Variants in LARS2 observed in about 807,000 individuals in gnomAD.
LARS2 encodes leucyl-tRNA synthetase 2, mitochondrial.
LARS2 carries 81 observed loss-of-function variants against 116.6 expected under a neutral mutation model. The observed-to-expected ratio is 0.69, with a 90% confidence interval of 0.58 to 0.84. The LOEUF (loss-of-function observed/expected upper bound fraction) is 0.84. Ranked by LOEUF, LARS2 falls within the 40% of genes least tolerant of loss-of-function variation. LARS2 has a pLI of 0.00. For synonymous variants in LARS2, 396 were observed against 407.2 expected, an observed-to-expected ratio of 0.97 and a Z score of 0.33; for missense variants, 968 against 1,114.5, an observed-to-expected ratio of 0.87 and a Z score of 1.87.
chr3:45,420,156 T>C (rs1197578062), intron 6 of LARS2, among the ~76,000 whole-genome samples: 1 of 152,256 alleles, frequency 6.6e-6, no homozygotes, highest in Admixed American at 6.5e-5. Flanking sequence ...CCCATAATTA[T>C]TCTGTCACAT....
At chr3:45,400,050 C>T (rs1168937092) in intron 3 of LARS2, among the ~76,000 whole-genome samples, 195 bp from the exon 4 acceptor site, 1 of 151,846 alleles carries the variant, frequency 6.6e-6, no homozygotes, top group Non-Finnish European at 1.5e-5. Flanking sequence ...TTATTTTGGA[C>T]ATTCTTTAGC....
At chr3:45,402,511 T>C (rs1310142509) in intron 4 of LARS2, among the ~76,000 whole-genome samples, 1 of 152,234 alleles carries the variant, frequency 6.6e-6, no homozygotes, top group African/African-American at 2.4e-5. Context: ...TCAGGGCCTA[T>C]ACAAATGATA....
chr3:45,454,286 C>T (rs1388831996), intron 7 of LARS2, among the ~76,000 whole-genome samples: 1 of 152,234 alleles, frequency 6.6e-6, no homozygotes, highest in African/African-American at 2.4e-5. Flanking sequence ...TCCCACTGAT[C>T]ACTGTGCAGA....
chr3:45,537,737 G>A (rs1351809726), intron 20 of LARS2, among the ~76,000 whole-genome samples: 1 of 152,318 alleles, frequency 6.6e-6, no homozygotes, highest in East Asian at 1.9e-4. Context: ...GAGGAGATGA[G>A]GTGGAGGCAG....
At chr3:45,420,565 A>C (rs1375863365) in intron 6 of LARS2, among the ~76,000 whole-genome samples, 1 of 152,222 alleles carries the variant, frequency 6.6e-6, no homozygotes, top group Non-Finnish European at 1.5e-5. Flanking sequence ...TTCTTAAATG[A>C]TTGAAATTTG....
rs551261882 is a variant in LARS2, at chr3:45,460,694, G to A, written c.750+1808G>A. ...TCCATGAAGCCTAACAGAGAACAAT[G>A]CTATGGGTCTGAGAACAGAACAGAG... On this transcript the variant is annotated intron_variant, in intron 8 of 21. Coordinates refer to ENST00000645846, the MANE Select transcript of LARS2 (RefSeq NM_015340.4). 3.3e-5 allele frequency among the ~76,000 whole-genome samples: 5 copies of A among 152,274 alleles called. No individual in the cohort carries two copies. The South Asian group carries it at 8.3e-4, about 25-fold the overall frequency.
chr3:45,417,428 C>A, intron 4 of LARS2, 54 bp from the exon 5 acceptor site: 1 of 1,317,248 alleles, frequency 7.6e-7, no homozygotes, highest in Non-Finnish European at 1.1e-6. Context: ...GAAGACAATA[C>A]CAATGGAGTT....
At chr3:45,390,759 TCTCCTGC>T (rs1311140759) in intron 1 of LARS2, among the ~76,000 whole-genome samples, 1 of 151,448 alleles carries the variant, frequency 6.6e-6, no homozygotes, top group Non-Finnish European at 1.5e-5. Flanking sequence ...TTCACGCCTT[TCTCCTGC>T]CTCAGCCTCT....
Position 45,400,367 on chromosome 3 carries a change from G to T in LARS2, c.357G>T (p.Gly119=). The T allele has an allele frequency of 1.2e-6, 2 of 1,608,460 alleles. No homozygotes were observed. The highest frequency in any genetic ancestry group is 1.7e-6 in the Non-Finnish European group (2 of 1,177,708). Residue 119 remains glycine, a synonymous_variant, in exon 4 of 22, where the codon GGG becomes GGT. Transcript: ENST00000645846. Reference sequence around the variant, plus strand: ...TAGCACGGTTCCAGAAGATGAGAGGGATGCAGGTAAGAACAGGTGCCTGCT... The same window carrying T: ...TAGCACGGTTCCAGAAGATGAGAGGTATGCAGGTAAGAACAGGTGCCTGCT... ...DTIARFQKMR[G]MQVINPMGWD...
intron 6 of LARS2, among the ~76,000 whole-genome samples, chr3:45,442,497 T>C (rs892050623): frequency 1.3e-5 from 2 of 152,266 alleles, no homozygotes; most frequent in Non-Finnish European, 2.9e-5. Context: ...GTCAGACAAC[T>C]ACTTGGAGGC....
At chr3:45,455,565 A>G (rs957557293) in intron 7 of LARS2, among the ~76,000 whole-genome samples, 1 of 152,106 alleles carries the variant, frequency 6.6e-6, no homozygotes, top group Non-Finnish European at 1.5e-5. Context: ...TGCTATAGCC[A>G]TTATGGAAAA....
intron 3 of LARS2, among the ~76,000 whole-genome samples, chr3:45,396,583 C>T (rs1382956613): frequency 2.6e-5 from 4 of 152,176 alleles, no homozygotes; most frequent in Non-Finnish European, 5.9e-5. Context: ...TTGAAATCCA[C>T]TCACATAAGT....
At chr3:45,462,682 C>T (rs906523509) in intron 8 of LARS2, among the ~76,000 whole-genome samples, 1 of 152,134 alleles carries the variant, frequency 6.6e-6, no homozygotes, top group African/African-American at 2.4e-5. Flanking sequence ...GCTGTGCCCG[C>T]ACAGTTATCT....
intron 11 of LARS2, 79 bp downstream of exon 11, chr3:45,485,875 T>A: frequency 1.3e-6 from 1 of 780,778 alleles, no homozygotes; most frequent in Non-Finnish European, 2.1e-6. Flanking sequence ...TGCTGTCATC[T>A]GGAAGAGCTG....
chr3:45,469,741 A>G (rs1382054958), intron 8 of LARS2, among the ~76,000 whole-genome samples: 1 of 152,110 alleles, frequency 6.6e-6, no homozygotes, highest in African/African-American at 2.4e-5. Context: ...TTCTAGAGGG[A>G]ATGTCTATAT....
chr3:45,396,364 G>A (rs1297766601), intron 3 of LARS2, among the ~76,000 whole-genome samples: 1 of 152,150 alleles, frequency 6.6e-6, no homozygotes, highest in Non-Finnish European at 1.5e-5. Flanking sequence ...TTGGATTCTG[G>A]GCTCCTTGCA....
At chr3:45,469,003 G>A (rs1477329833) in intron 8 of LARS2, among the ~76,000 whole-genome samples, 2 of 152,144 alleles carry the variant, frequency 1.3e-5, no homozygotes, top group African/African-American at 4.8e-5. Flanking sequence ...ACTTGTATGT[G>A]TGGCTGCTTG....
At chr3:45,474,442 C>T (rs1454897719) in intron 9 of LARS2, 92 bp downstream of exon 9, 29 of 683,792 alleles carry the variant, frequency 4.2e-5, no homozygotes, top group East Asian at 2.6e-5. Context: ...TGGGACTCCA[C>T]AGCACCACAG....
chr3:45,452,397 A>G (rs1201077572), intron 7 of LARS2, among the ~76,000 whole-genome samples: 1 of 145,462 alleles, frequency 6.9e-6, no homozygotes, highest in Non-Finnish European at 1.5e-5. Flanking sequence ...TTTTTTTTTT[A>G]TCATGAAGGA....
Sources: allele counts gnomAD v4.1 joint callset (sites outside exome capture counted in the v4.1 genomes callset), GRCh38; gene constraint gnomAD v4.1.1; transcripts MANE v1.5; gene names NCBI Gene and HGNC (gene_info 2026-07-23, HGNC 2026-07-21).